Variants in MAGI2 observed in about 807,000 individuals in gnomAD.
The protein encoded by MAGI2 is membrane associated guanylate kinase, WW and PDZ domain containing 2.
In MAGI2, 35 loss-of-function variants were observed where a neutral mutation model predicts 133.3. The ratio of observed to expected loss-of-function variants is 0.26; its 90% CI spans 0.20 to 0.35. The LOEUF (loss-of-function observed/expected upper bound fraction) is 0.35, where lower values mean the gene tolerates loss of function less well. MAGI2 is among the 10% of genes least tolerant of loss of function. MAGI2 has a pLI of 1.00. For missense variants in MAGI2, 1,636 were observed against 1,863.4 expected (o/e 0.88, Z 2.25); for synonymous variants, 729 against 710.6 (o/e 1.03, Z -0.41).
At chr7:78,700,982 TATAA>T (rs1818010792) in intron 2 of MAGI2, among the ~76,000 whole-genome samples, 1 of 150,442 alleles carries the variant, frequency 6.6e-6, no homozygotes, top group African/African-American at 2.4e-5. Flanking sequence ...GAAAGTATAT[TATAA>T]ATAAAATATT....
chr7:79,320,787 T>C (rs964764921), intron 1 of MAGI2, among the ~76,000 whole-genome samples: 1 of 152,086 alleles, frequency 6.6e-6, no homozygotes, highest in African/African-American at 2.4e-5. Context: ...TTCTTACACA[T>C]CACAAAATAG....
chr7:78,211,828 T>C (rs1159504306), intron 10 of MAGI2, among the ~76,000 whole-genome samples: 1 of 152,254 alleles, frequency 6.6e-6, no homozygotes, highest in Non-Finnish European at 1.5e-5. Context: ...TACTTTTAAA[T>C]GCTTTTGAGC....
intron 3 of MAGI2, among the ~76,000 whole-genome samples, chr7:78,570,278 C>T (rs1450251748): frequency 6.6e-6 from 1 of 152,186 alleles, no homozygotes. Flanking sequence ...AAAATCTGGA[C>T]TCTGCTACCT....
intron 1 of MAGI2, among the ~76,000 whole-genome samples, chr7:79,043,210 G>A: frequency 6.6e-6 from 1 of 151,830 alleles, no homozygotes; most frequent in East Asian, 1.9e-4. Flanking sequence ...AAAGCAAGCA[G>A]AAAAAAAGAA....
intron 13 of MAGI2, among the ~76,000 whole-genome samples, chr7:78,184,030 A>G (rs1377871168): frequency 6.6e-6 from 1 of 152,212 alleles, no homozygotes; most frequent in Non-Finnish European, 1.5e-5. Context: ...TAAGTAATGT[A>G]TTTTTTAAAA....
chr7:78,483,757 A>T (rs981714365), intron 6 of MAGI2, among the ~76,000 whole-genome samples: 3 of 151,996 alleles, frequency 2.0e-5, no homozygotes, highest in Non-Finnish European at 4.4e-5. Flanking sequence ...AAAGCACATC[A>T]TGATTAATAC....
chr7:78,651,306 T>C (rs1368270497), intron 2 of MAGI2, among the ~76,000 whole-genome samples: 11 of 108,246 alleles, frequency 1.0e-4, no homozygotes, highest in Admixed American at 9.5e-4. Flanking sequence ...CCTATAAACT[T>C]TCTGCCTTTG....
At position 79,314,107 on chromosome 7, in the gene MAGI2, G is replaced by T. The variant is rs1022763270; in HGVS notation, c.301+138913C>A. On this transcript the variant is annotated intron_variant, in intron 1 of 21. Coordinates refer to ENST00000354212, the MANE Select transcript of MAGI2 (RefSeq NM_012301.4). ...TCCTGCCTCAGCCTCCAGAGTAGTT[G>T]GGATTACAGGTGCCCACCACCATGC... 2.0e-5 allele frequency among the ~76,000 whole-genome samples: 3 copies of T among 152,124 alleles called. No homozygotes were observed. In the East Asian group the frequency reaches 5.8e-4, roughly 29 times the overall value.
At chr7:78,424,070 T>A (rs569946924) in intron 6 of MAGI2, among the ~76,000 whole-genome samples, 1 of 152,040 alleles carries the variant, frequency 6.6e-6, no homozygotes, top group South Asian at 2.1e-4. Context: ...ATGTCAGAGG[T>A]CTTCATGGCA....
At chr7:78,083,140 T>C (rs2151195937) in intron 20 of MAGI2, among the ~76,000 whole-genome samples, 1 of 151,994 alleles carries the variant, frequency 6.6e-6, no homozygotes, top group Non-Finnish European at 1.5e-5. Flanking sequence ...AGAATTAATT[T>C]TTTAAAACCA....
intron 1 of MAGI2, among the ~76,000 whole-genome samples, chr7:79,401,676 T>C (rs533934977): frequency 6.6e-5 from 10 of 152,270 alleles, no homozygotes; most frequent in Non-Finnish European, 1.3e-4. Flanking sequence ...TGGTACTCTA[T>C]TATAAACATG....
At chr7:78,915,051 A>G (rs1302391128) in intron 2 of MAGI2, among the ~76,000 whole-genome samples, 1 of 152,120 alleles carries the variant, frequency 6.6e-6, no homozygotes, top group Middle Eastern at 3.2e-3. Flanking sequence ...CCATAGCTGG[A>G]GGAGTAGGTA....
At chr7:79,410,675 T>C (rs1012245409) in intron 1 of MAGI2, 1 of 152,186 alleles carries the variant, frequency 6.6e-6, no homozygotes, top group Non-Finnish European at 1.5e-5. Flanking sequence ...TTACCTCATA[T>C]GCCCACTCAA....
chr7:78,312,816 T>C (rs547303310), intron 9 of MAGI2, among the ~76,000 whole-genome samples: 1 of 151,888 alleles, frequency 6.6e-6, no homozygotes, highest in South Asian at 2.1e-4. Flanking sequence ...AAATATTATA[T>C]CAAAAAGATA....
At chr7:78,078,142 C>T (rs1815562432) in intron 21 of MAGI2, 1 of 151,918 alleles carries the variant, frequency 6.6e-6, no homozygotes, top group African/African-American at 2.4e-5. Context: ...TTTTCCTAAT[C>T]TGAACAGGTA....
chr7:78,911,658 A>ATG (rs1173513035), intron 2 of MAGI2, among the ~76,000 whole-genome samples: 3 of 102,556 alleles, frequency 2.9e-5, no homozygotes, highest in African/African-American at 5.2e-5. Flanking sequence ...ATAAAAAATT[A>ATG]TGTGTGTATA....
intron 3 of MAGI2, among the ~76,000 whole-genome samples, chr7:78,532,221 G>A (rs1265094725): frequency 6.6e-6 from 1 of 152,178 alleles, no homozygotes; most frequent in East Asian, 1.9e-4. Context: ...TTTAAAGGAT[G>A]CAAGGACAAC....
Position 78,595,605 on chromosome 7 carries a change from C to T in MAGI2, c.538+31515G>A, listed in dbSNP as rs962465160. Among the ~76,000 whole-genome samples the T allele has an allele frequency of 3.9e-5, 6 of 152,158 alleles. No individual in the cohort carries two copies. The South Asian group carries it at 6.2e-4, about 16-fold the overall frequency. ...CTACTTTCCTCTGAAGAAAACTACG[C>T]ACTCAGTTCAGAAATATTTTGGCAT... On this transcript the variant is annotated intron_variant, in intron 3 of 21. Transcript: ENST00000354212.
rs1233006788 is a variant in MAGI2 at position 78,136,935 on chromosome 7, G to A, written c.2846-1729C>T. Among the ~76,000 whole-genome samples, 8 of 151,930 alleles carry A rather than the reference G, an allele frequency of 5.3e-5. No homozygotes were observed. In the East Asian group the frequency reaches 1.5e-3, roughly 29 times the overall value. ...TATTGGCTGAGCCTGTGTCCCTGAA[G>A]TGAAACTCATCATGTTGGAAACTAA... On this transcript the variant is annotated intron_variant, in intron 16 of 21. Coordinates refer to ENST00000354212, the MANE Select transcript of MAGI2 (RefSeq NM_012301.4).
Sources: allele counts gnomAD v4.1 joint callset (sites outside exome capture counted in the v4.1 genomes callset), GRCh38; gene constraint gnomAD v4.1.1; transcripts MANE v1.5; gene names NCBI Gene and HGNC (gene_info 2026-07-23, HGNC 2026-07-21).